The following TRIM25 variants were observed in gnomAD, a reference collection of about 807,000 sequenced individuals.
The protein encoded by TRIM25 is E3 ubiquitin/ISG15 ligase TRIM25.
Under a neutral mutation model 65.2 loss-of-function variants are expected in TRIM25, and 45 were observed. The ratio of observed to expected loss-of-function variants is 0.69; its 90% CI spans 0.54 to 0.89. The LOEUF (loss-of-function observed/expected upper bound fraction) is 0.89, where lower values mean the gene tolerates loss of function less well. Among genes scored for constraint, TRIM25 ranks in the 40% least tolerant of loss-of-function variants. TRIM25 has a pLI of 0.00. For synonymous variants in TRIM25, 321 were observed against 340.4 expected, an observed-to-expected ratio of 0.94 and a Z score of 0.63; for missense variants, 714 against 803.7, an observed-to-expected ratio of 0.89 and a Z score of 1.35.
chr17:56,909,798 T>G (rs752601718), intron 1 of TRIM25, among the ~76,000 whole-genome samples: 11 of 151,920 alleles, frequency 7.2e-5, no homozygotes, highest in Non-Finnish European at 1.2e-4. Flanking sequence ...AGGAAGCTAA[T>G]ATCCTCATCT....
At position 56,891,685 on chromosome 17, in the gene TRIM25, G is replaced by A; in HGVS notation, c.*15C>T. On this transcript the variant is annotated 3_prime_UTR_variant, in exon 9 of 9. Coordinates refer to ENST00000316881, the MANE Select transcript of TRIM25 (RefSeq NM_005082.5). ...GGACTTCTGCAGGCAGTCAGCCCAAGTGCCTACAGCCTGCCTACTTGGGGG... is the reference window on the plus strand; with the variant it reads ...GGACTTCTGCAGGCAGTCAGCCCAAATGCCTACAGCCTGCCTACTTGGGGG... The A allele has an allele frequency of 1.2e-6, 2 of 1,605,108 alleles. No individual in the cohort carries two copies. The highest frequency in any genetic ancestry group is 1.7e-6 in the Non-Finnish European group (2 of 1,174,526).
In TRIM25 at chr17:56,891,766, C is replaced by G; in HGVS notation, c.1827G>C (p.Glu609Asp). ...ATACCCAGAAAGCCGGGTACAAAGC[C>G]TCAGTAAAGTCCACCCTGAACTTAT... The part of the protein sequence containing the change: ...LMYKFRVDFT[E>D]ALYPAFWVFS... The change falls in exon 9 of 9, where the codon GAG (glutamate) becomes GAC (aspartate). Residue 609 changes from glutamate (E) to aspartate (D), a missense_variant. By Grantham distance (45) the Glu-to-Asp change is conservative. Around this residue, in one of 3 missense-constraint regions of TRIM25, gnomAD observed 413 missense variants for 498.2 expected, o/e 0.83. Transcript: ENST00000316881. The G allele has an allele frequency of 6.2e-7, 1 of 1,614,198 alleles. No homozygotes were observed. Among genetic ancestry groups the G allele is most frequent in the South Asian group, 1.1e-5 (1 of 91,086 alleles).
intron 8 of TRIM25, 57 bp from the exon 9 acceptor site, chr17:56,892,286 A>T: frequency 6.6e-7 from 1 of 1,518,286 alleles, no homozygotes; most frequent in South Asian, 1.3e-5. Context: ...GCTCTTTTAG[A>T]CCTTTGCCAA....
intron 5 of TRIM25, among the ~76,000 whole-genome samples, chr17:56,898,146 C>T (rs780075990): frequency 2.6e-5 from 4 of 151,948 alleles, no homozygotes; most frequent in African/African-American, 4.8e-5. Flanking sequence ...AACATGTCAG[C>T]GGTATATGGG....
intron 4 of TRIM25, among the ~76,000 whole-genome samples, chr17:56,900,521 G>C (rs1909389870): frequency 1.3e-5 from 2 of 152,226 alleles, no homozygotes; most frequent in African/African-American, 4.8e-5. Context: ...CCTGGGCCCA[G>C]TCTGAGGAGT....
At chr17:56,900,502 G>T (rs961885758) in intron 4 of TRIM25, among the ~76,000 whole-genome samples, 2 of 152,216 alleles carry the variant, frequency 1.3e-5, no homozygotes, top group Admixed American at 1.3e-4. Flanking sequence ...CCAAGAGGAT[G>T]ACAAGGACCC....
chr17:56,891,351 G>A lies in TRIM25; in HGVS notation c.*349C>T, dbSNP rs941973950. On this transcript the variant is annotated 3_prime_UTR_variant, in exon 9 of 9. Coordinates refer to ENST00000316881, the MANE Select transcript of TRIM25 (RefSeq NM_005082.5). ...CTTCAGATCCAAGTGGCCCAAGACA[G>A]AACCTACAGTAGCTATGGATTTTCT... The A allele has an allele frequency of 2.1e-5, 7 of 336,386 alleles. No individual in the cohort carries two copies. Among genetic ancestry groups the A allele is most frequent in the African/African-American group, 1.5e-4 (7 of 47,092 alleles). The allele number at this position is 336,386 out of a possible 1,614,324, so 20.8% of individuals were successfully genotyped here. A position where few individuals can be genotyped will look rare whatever the true frequency, so the allele number is the denominator to read the frequency against.
rs763688111 is a variant in TRIM25, at chr17:56,913,557, C to A, written c.432G>T (p.Pro144=). 4 of 1,613,286 alleles carry A rather than the reference C, an allele frequency of 2.5e-6. No homozygotes were observed. The South Asian group carries it at 3.3e-5, about 13-fold the overall frequency. ...ACAGGTCGCGAACGGGCGGCTGCAG[C>A]GGGTGGTCCTGGAAGGCGGGGCTGT... ...HFDSPAFQDH[P]LQPPVRDLLR... The change falls in exon 1 of 9, where the codon CCG becomes CCT. Residue 144 remains proline (P), a synonymous_variant. Transcript: ENST00000316881. This position sits in a 1 kb window ranked among gnomAD's most constrained non-coding sequence, Gnocchi z 6.1.
rs759581813 is a variant in TRIM25 at position 56,913,879 on chromosome 17, A to G, written c.110T>C (p.Leu37Pro). ...GCCCTGGACTGCCCACGTCTCATTC[A>G]GGCACGACCCGCAGAAGTTGTGGCC... The part of the protein sequence containing the change: ...PCGHNFCGSC[L>P]NETWAVQGSP... The change falls in exon 1 of 9, where the codon CTG (leucine) becomes CCG (proline). Residue 37 changes from leucine (L) to proline (P), a missense_variant. Around this residue, in one of 3 missense-constraint regions of TRIM25, gnomAD observed 291 missense variants for 281.8 expected, o/e 1.03. Transcript: ENST00000316881. The surrounding 1 kb of genome is among the most constrained non-coding windows in gnomAD (Gnocchi z 6.1). 1 of 1,561,958 alleles carries G rather than the reference A, an allele frequency of 6.4e-7. No individual in the cohort carries two copies. Among genetic ancestry groups the G allele is most frequent in the Non-Finnish European group, 8.7e-7 (1 of 1,153,480 alleles).
Position 56,904,274 on chromosome 17 carries a change from T to A in TRIM25, c.908A>T (p.Asp303Val). ...EEIEQSLTKRDEFEFLEKASK... is the reference protein window; with the variant it reads ...EEIEQSLTKRVEFEFLEKASK... ...ACCTACCTCCAGAAACTCGAACTCA[T>A]CCCTCTTGGTCAGGCTCTGTTCAAT... is the stretch of plus-strand genomic sequence containing the variant. Residue 303 changes from aspartate to valine, a missense_variant, in exon 3 of 9, where the codon GAT becomes GTT. Physicochemically the swap from Asp to Val is radical, Grantham distance 152. This residue lies in a region of TRIM25 where 413 missense variants were observed against 498.2 expected (regional missense o/e 0.83). Transcript: ENST00000316881. The A allele has an allele frequency of 1.9e-6, 3 of 1,610,198 alleles. No individual in the cohort carries two copies. The highest frequency in any genetic ancestry group is 2.5e-6 in the Non-Finnish European group (3 of 1,177,394).
Position 56,889,257 on chromosome 17 carries a change from A to T in TRIM25, c.*2443T>A, listed in dbSNP as rs1909118371. On this transcript the variant is annotated 3_prime_UTR_variant, in exon 9 of 9. Coordinates refer to ENST00000316881, the MANE Select transcript of TRIM25 (RefSeq NM_005082.5). ...ACAGTCCCCAGTACCTGGGTCTAGG[A>T]GAGTTATTTTATGTTTGTGTTTCTG... The T allele has an allele frequency of 6.6e-6, 1 of 152,350 alleles. No homozygotes were observed. The highest frequency in any genetic ancestry group is 6.5e-5 in the Admixed American group (1 of 15,270). 9.4% of individuals were successfully genotyped at this position (152,350 alleles called of 1,614,324 possible).
intron 1 of TRIM25, chr17:56,912,057 C>G (rs1242476087): frequency 6.6e-6 from 1 of 152,202 alleles, no homozygotes; most frequent in Admixed American, 6.5e-5. Flanking sequence ...AAAAAAAAAG[C>G]CAAGTTTATA....
chr17:56,906,975 T>G (rs767905571), intron 2 of TRIM25, among the ~76,000 whole-genome samples: 14 of 152,332 alleles, frequency 9.2e-5, no homozygotes, highest in Non-Finnish European at 1.6e-4. Flanking sequence ...ACAAAACTCC[T>G]TCCAGTGACC....
intron 2 of TRIM25, 109 bp from the exon 3 acceptor site, chr17:56,904,597 G>C: frequency 9.9e-7 from 1 of 1,006,536 alleles, no homozygotes; most frequent in Middle Eastern, 3.3e-4. Context: ...CCTGTACTTT[G>C]TGGGAGAACA....
At chr17:56,906,226 ACCT>A (rs1004629455) in intron 2 of TRIM25, among the ~76,000 whole-genome samples, 2 of 151,900 alleles carry the variant, frequency 1.3e-5, no homozygotes, top group Non-Finnish European at 2.9e-5. Context: ...ACAGGGTTTG[ACCT>A]CCTTCTTCCT....
At chr17:56,898,724 G>T (rs1909349650) in intron 5 of TRIM25, among the ~76,000 whole-genome samples, 1 of 151,124 alleles carries the variant, frequency 6.6e-6, no homozygotes, top group Non-Finnish European at 1.5e-5. Flanking sequence ...AAAAAAAACA[G>T]TTGAGAAACA....
At chr17:56,906,492 G>A (rs957221854) in intron 2 of TRIM25, among the ~76,000 whole-genome samples, 3 of 145,300 alleles carry the variant, frequency 2.1e-5, no homozygotes, top group Admixed American at 1.4e-4. Context: ...GTATTTCTTC[G>A]CCAATATTTT....
At chr17:56,910,558 C>A (rs2035106843) in intron 1 of TRIM25, among the ~76,000 whole-genome samples, 1 of 152,222 alleles carries the variant, frequency 6.6e-6, no homozygotes. Flanking sequence ...GCACTACACC[C>A]TGAGCCCTAT....
At chr17:56,902,324 A>T (rs1909429134) in intron 3 of TRIM25, among the ~76,000 whole-genome samples, 2 of 152,192 alleles carry the variant, frequency 1.3e-5, no homozygotes, top group South Asian at 4.1e-4. Context: ...TCAATGGGGC[A>T]CACCACTATA....
Sources: allele counts gnomAD v4.1 joint callset (sites outside exome capture counted in the v4.1 genomes callset), GRCh38; gene constraint gnomAD v4.1.1; regional missense constraint gnomAD v4.1.1; non-coding constraint Gnocchi (gnomAD v3.1); transcripts MANE v1.5; gene names NCBI Gene and HGNC (gene_info 2026-07-23, HGNC 2026-07-21).